NBDY: variants seen among roughly 807,000 people sequenced by gnomAD.
The protein encoded by NBDY is negative regulator of P-body association.
intron 2 of NBDY, among the ~76,000 whole-genome samples, chrX:56,809,846 TGTTGACA>T (rs2069876086): frequency 8.9e-6 from 1 of 112,347 alleles, no homozygotes; most frequent in Admixed American, 9.5e-5. Flanking sequence ...TTCTTCATCA[TGTTGACA>T]GTCTTTACAA....
intron 2 of NBDY, among the ~76,000 whole-genome samples, chrX:56,796,828 A>G (rs1470212530): frequency 1.8e-5 from 2 of 110,193 alleles, no homozygotes; most frequent in African/African-American, 6.6e-5. Context: ...GATCCCACTC[A>G]GGAAAGATCT....
At chrX:56,790,816 A>C (rs2069758152) in intron 2 of NBDY, among the ~76,000 whole-genome samples, 1 of 112,371 alleles carries the variant, frequency 8.9e-6, no homozygotes, top group Admixed American at 9.4e-5. Flanking sequence ...CTTAAGGGGC[A>C]GTTTCTCAGC....
intron 2 of NBDY, among the ~76,000 whole-genome samples, chrX:56,762,444 G>T (rs2069642533): frequency 1.8e-5 from 2 of 110,921 alleles, no homozygotes; most frequent in Admixed American, 9.6e-5. Flanking sequence ...ATGTCCCTCT[G>T]CGTGCTAGGC....
chrX:56,808,712 C>T (rs1391590603), intron 2 of NBDY, among the ~76,000 whole-genome samples: 1 of 111,625 alleles, frequency 9.0e-6, no homozygotes, highest in Non-Finnish European at 1.9e-5. Context: ...AAAACGAGCT[C>T]CTGGATTCAT....
At position 56,729,510 on chromosome X, in the gene NBDY, C is replaced by G. The variant is rs1020409460; in HGVS notation, c.157C>G (p.Pro53Ala). ...GGSTTLPSAP[P>A]PASAGLKSHP... Reference sequence around the variant, plus strand: ...TAGTACCACTCTACCCTCCGCACCTCCTCCTGCATCAGCCGGCCTGAAGTC... The same window carrying G: ...TAGTACCACTCTACCCTCCGCACCTGCTCCTGCATCAGCCGGCCTGAAGTC... The change falls in exon 1 of 3, where the codon CCT becomes GCT. Residue 53 changes from proline (P) to alanine (A), a missense_variant. Transcript: ENST00000374922. The G allele has an allele frequency of 8.4e-5, 25 of 296,472 alleles. No homozygotes were observed. The Middle Eastern group carries it at 2.6e-3, about 31-fold the overall frequency. The allele number at this position is 296,472 out of a possible 1,213,427, so 24.4% of individuals were successfully genotyped here.
At chrX:56,760,413 C>T (rs1479676390) in intron 2 of NBDY, among the ~76,000 whole-genome samples, 2 of 112,683 alleles carry the variant, frequency 1.8e-5, no homozygotes, top group Non-Finnish European at 1.9e-5. Flanking sequence ...GGGCTGGGTG[C>T]GGTGGCTGAC....
intron 2 of NBDY, among the ~76,000 whole-genome samples, chrX:56,785,734 A>C (rs1412656245): frequency 9.0e-6 from 1 of 111,587 alleles, no homozygotes; most frequent in Non-Finnish European, 1.9e-5. Context: ...TTTTTCTGTG[A>C]GGACACAAGA....
chrX:56,757,966 C>T (rs2069620101), intron 2 of NBDY, among the ~76,000 whole-genome samples: 1 of 111,276 alleles, frequency 9.0e-6, no homozygotes, highest in Non-Finnish European at 1.9e-5. Flanking sequence ...AAACAAGCCA[C>T]TTGCTTGTGT....
intron 2 of NBDY, among the ~76,000 whole-genome samples, chrX:56,798,061 G>A: frequency 8.9e-6 from 1 of 112,007 alleles, no homozygotes; most frequent in Non-Finnish European, 1.9e-5. Flanking sequence ...CCACAGGCAT[G>A]AGACTGCCCA....
intron 2 of NBDY, among the ~76,000 whole-genome samples, chrX:56,807,971 T>C (rs760874055): frequency 8.9e-6 from 1 of 112,016 alleles, no homozygotes; most frequent in East Asian, 2.8e-4. Context: ...ATAGCTCTTA[T>C]TGTTTTGAGA....
chrX:56,762,544 T>A (rs1370945428), intron 2 of NBDY, among the ~76,000 whole-genome samples: 1 of 111,491 alleles, frequency 9.0e-6, no homozygotes, highest in Non-Finnish European at 1.9e-5. Context: ...CACCCATGTG[T>A]TACTTTTAAG....
chrX:56,782,261 C>T (rs865938279), intron 2 of NBDY, among the ~76,000 whole-genome samples: 1 of 46,345 alleles, frequency 2.2e-5, no homozygotes, highest in Non-Finnish European at 5.1e-5. Flanking sequence ...CTTTTAATTC[C>T]TCTTCTCTTT....
chrX:56,785,847 C>T (rs2069724645), intron 2 of NBDY, among the ~76,000 whole-genome samples: 1 of 111,490 alleles, frequency 9.0e-6, no homozygotes, highest in East Asian at 2.8e-4. Context: ...TTTGGAGATT[C>T]CCTCCTTTCA....
intron 2 of NBDY, among the ~76,000 whole-genome samples, chrX:56,785,713 G>T (rs1007247279): frequency 9.0e-6 from 1 of 111,660 alleles, no homozygotes; most frequent in African/African-American, 3.3e-5. Flanking sequence ...CTTTCTTCTT[G>T]CTGGTGGCTC....
At chrX:56,759,589 G>A (rs921123308) in intron 2 of NBDY, among the ~76,000 whole-genome samples, 4 of 110,414 alleles carry the variant, frequency 3.6e-5, no homozygotes, top group Admixed American at 9.6e-5. Context: ...GTTAGTGTTT[G>A]TGGAGCCCTA....
intron 2 of NBDY, among the ~76,000 whole-genome samples, chrX:56,814,382 A>G (rs2069901345): frequency 9.0e-6 from 1 of 110,509 alleles, no homozygotes; most frequent in African/African-American, 3.3e-5. Flanking sequence ...AGTTGATTAT[A>G]TATCAATTAG....
At chrX:56,741,111 C>G (rs999942284) in intron 2 of NBDY, among the ~76,000 whole-genome samples, 3 of 110,932 alleles carry the variant, frequency 2.7e-5, no homozygotes, top group Non-Finnish European at 5.7e-5. Flanking sequence ...CTGTGCCTGG[C>G]CCATTTCACT....
At chrX:56,768,053 G>C (rs1393996996) in intron 2 of NBDY, among the ~76,000 whole-genome samples, 14 of 13,693 alleles carry the variant, frequency 1.0e-3, no homozygotes, top group Non-Finnish European at 1.7e-3. Context: ...GCCAGGCATG[G>C]GTCGCCCCAC....
intron 2 of NBDY, among the ~76,000 whole-genome samples, chrX:56,753,529 C>T (rs1011163409): frequency 9.0e-6 from 1 of 111,134 alleles, no homozygotes; most frequent in Non-Finnish European, 1.9e-5. Context: ...GAGTTGAAGC[C>T]ATGGGAAAGT....
Sources: gnomAD v4.1 joint callset for allele counts (sites outside exome capture counted in the v4.1 genomes callset) on GRCh38, gnomAD v4.1.1 for gene constraint, MANE v1.5 for transcripts, NCBI Gene and HGNC (gene_info 2026-07-23, HGNC 2026-07-21) for gene names.